Variants in KIAA1217 observed in about 807,000 individuals in gnomAD.
KIAA1217 encodes the protein KIAA1217.
In KIAA1217, 88 loss-of-function variants were observed where a neutral mutation model predicts 163.9. The ratio of observed to expected loss-of-function variants is 0.54; its 90% CI spans 0.45 to 0.64. KIAA1217 has a LOEUF of 0.64. KIAA1217 is among the 30% of genes least tolerant of loss of function. KIAA1217 has a pLI of 0.00. For missense variants in KIAA1217, 2,372 were observed against 2,475.0 expected (o/e 0.96, Z 0.88); for synonymous variants, 903 against 923.1 (o/e 0.98, Z 0.39).
At chr10:24,177,281 ATATATATATATATATATT>A (rs984496030) in intron 2 of KIAA1217, among the ~76,000 whole-genome samples, 5 of 109,262 alleles carry the variant, frequency 4.6e-5, no homozygotes, top group Non-Finnish European at 7.7e-5. Context: ...ATATATATAT[ATATATATATATATATATT>A]ACAATTTCTT....
chr10:23,828,813 T>C (rs1204208910), intron 1 of KIAA1217, among the ~76,000 whole-genome samples: 1 of 152,196 alleles, frequency 6.6e-6, no homozygotes, highest in African/African-American at 2.4e-5. Flanking sequence ...ACTGAGTGTA[T>C]AGCAACTATG....
chr10:24,101,447 A>C (rs541435522), intron 2 of KIAA1217, among the ~76,000 whole-genome samples: 8 of 152,182 alleles, frequency 5.3e-5, no homozygotes, highest in African/African-American at 1.9e-4. Context: ...ACCAGCAAGG[A>C]CATCCATTCC....
intron 3 of KIAA1217, among the ~76,000 whole-genome samples, chr10:24,396,683 A>C (rs913054725): frequency 2.6e-5 from 4 of 152,218 alleles, no homozygotes; most frequent in African/African-American, 9.7e-5. Flanking sequence ...AGGAACAGTC[A>C]ATGCAAAAGC....
At chr10:24,436,951 G>C (rs1305645331) in intron 4 of KIAA1217, among the ~76,000 whole-genome samples, 1 of 152,050 alleles carries the variant, frequency 6.6e-6, no homozygotes, top group East Asian at 1.9e-4. Flanking sequence ...ATTTTCCTTA[G>C]GGAAATGCTA....
chr10:24,268,356 T>A (rs190673834), intron 2 of KIAA1217, among the ~76,000 whole-genome samples: 9 of 152,256 alleles, frequency 5.9e-5, no homozygotes. Context: ...CCAATATATG[T>A]CCATTTTAAA....
At chr10:24,468,823 A>G (rs2063204301) in intron 5 of KIAA1217, among the ~76,000 whole-genome samples, 1 of 152,094 alleles carries the variant, frequency 6.6e-6, no homozygotes, top group Non-Finnish European at 1.5e-5. Context: ...TATCAGAATT[A>G]CTTTTAGTTA....
intron 1 of KIAA1217, among the ~76,000 whole-genome samples, chr10:23,813,475 A>G (rs1837170819): frequency 6.6e-6 from 1 of 151,786 alleles, no homozygotes; most frequent in Admixed American, 6.6e-5. Context: ...TAAGATCTTT[A>G]TGTATGTAAT....
intron 2 of KIAA1217, among the ~76,000 whole-genome samples, chr10:24,013,212 A>G (rs927441504): frequency 3.3e-5 from 5 of 152,104 alleles, no homozygotes; most frequent in African/African-American, 9.7e-5. Flanking sequence ...AGTGTATCTA[A>G]GCACAAGAAG....
intron 2 of KIAA1217, among the ~76,000 whole-genome samples, chr10:24,247,782 C>G (rs1424801661): frequency 6.6e-6 from 1 of 152,124 alleles, no homozygotes; most frequent in Non-Finnish European, 1.5e-5. Flanking sequence ...GCCTGGACAA[C>G]AGAGTGAGGC....
At chr10:24,365,869 T>A (rs1325604110) in intron 2 of KIAA1217, among the ~76,000 whole-genome samples, 1 of 152,194 alleles carries the variant, frequency 6.6e-6, no homozygotes, top group Non-Finnish European at 1.5e-5. Flanking sequence ...TGGGACTAAG[T>A]TCTAAGTAAT....
intron 1 of KIAA1217, among the ~76,000 whole-genome samples, chr10:23,801,339 T>C (rs551265746): frequency 6.6e-6 from 1 of 152,124 alleles, no homozygotes; most frequent in South Asian, 2.1e-4. Flanking sequence ...AGTGGAAGAC[T>C]AGGGGAGGGA....
At chr10:24,322,857 C>A (rs979390802) in intron 2 of KIAA1217, among the ~76,000 whole-genome samples, 1 of 152,134 alleles carries the variant, frequency 6.6e-6, no homozygotes, top group African/African-American at 2.4e-5. Flanking sequence ...ATCTTGGCAA[C>A]GTGTGATTGA....
At chr10:23,819,076 A>G (rs1019037009) in intron 1 of KIAA1217, among the ~76,000 whole-genome samples, 3 of 152,178 alleles carry the variant, frequency 2.0e-5, no homozygotes, top group African/African-American at 7.2e-5. Context: ...GCAATCTTTA[A>G]ATTGATTAAG....
chr10:24,390,178 A>G lies in KIAA1217; in HGVS notation c.553+9111A>G, dbSNP rs76081483. Among the ~76,000 whole-genome samples the G allele has an allele frequency of 9.4e-3, 1,437 of 152,162 alleles. 46 individuals are homozygous for G. The East Asian group carries it at 0.1, about 11-fold the overall frequency. ...TGACTGCACAGGGGCCTAACTTATT[A>G]TATTTGTAGATATTGTAGTGCTGCC... On this transcript the variant is annotated intron_variant, in intron 3 of 20. Coordinates refer to ENST00000376454, the MANE Select transcript of KIAA1217 (RefSeq NM_019590.5).
intron 3 of KIAA1217, among the ~76,000 whole-genome samples, chr10:24,395,290 C>A (rs2055566582): frequency 6.6e-6 from 1 of 152,180 alleles, no homozygotes; most frequent in African/African-American, 2.4e-5. Flanking sequence ...CTGCTGGACA[C>A]CCTTAGACTC....
chr10:24,080,702 T>C (rs1315386055), intron 2 of KIAA1217, among the ~76,000 whole-genome samples: 6 of 152,220 alleles, frequency 3.9e-5, no homozygotes, highest in African/African-American at 1.2e-4. Flanking sequence ...ATAAAAATTA[T>C]TTCTAAATAG....
chr10:24,339,285 AC>A (rs1316921401), intron 2 of KIAA1217, among the ~76,000 whole-genome samples: 1 of 152,172 alleles, frequency 6.6e-6, no homozygotes, highest in Non-Finnish European at 1.5e-5. Context: ...TTGAGTATAT[AC>A]ATATATTTCC....
intron 2 of KIAA1217, among the ~76,000 whole-genome samples, chr10:24,328,332 G>A (rs1239074601): frequency 1.3e-5 from 2 of 152,114 alleles, no homozygotes; most frequent in Non-Finnish European, 2.9e-5. Flanking sequence ...GGTCAATGAG[G>A]CATCATCATG....
Position 23,702,892 on chromosome 10 carries a change from A to T in KIAA1217, c.-321+7658A>T, listed in dbSNP as rs578238693. Among the ~76,000 whole-genome samples, 10 of 152,072 alleles carry T rather than the reference A, an allele frequency of 6.6e-5. No individual in the cohort carries two copies. In the South Asian group the frequency reaches 1.9e-3, roughly 28 times the overall value. The stretch of plus-strand genomic sequence containing the variant: ...ACAGGTGCATGCCACCTCGCCCGGT[A>T]ATTTTTTGTATTTTTAGTAGAGACG... On this transcript the variant is annotated intron_variant, in intron 1 of 18. Coordinates refer to the KIAA1217 transcript ENST00000376462.
Sources: allele counts gnomAD v4.1 joint callset (sites outside exome capture counted in the v4.1 genomes callset), GRCh38; gene constraint gnomAD v4.1.1; transcripts MANE v1.5; gene names NCBI Gene and HGNC (gene_info 2026-07-23, HGNC 2026-07-21).